The following COL2A1 variants were observed in gnomAD, a reference collection of about 807,000 sequenced individuals.
COL2A1 encodes the protein collagen type II alpha 1 chain.
In COL2A1, 28 loss-of-function variants were observed where a neutral mutation model predicts 204.5. The ratio of observed to expected loss-of-function variants is 0.14; its 90% confidence interval spans 0.10 to 0.19. The LOEUF (loss-of-function observed/expected upper bound fraction) is 0.19. COL2A1 is among the 10% of genes least tolerant of loss of function. The pLI is 1.00. For missense variants in COL2A1, 1,388 were observed against 2,027.5 expected (o/e 0.68, Z 6.06); for synonymous variants, 708 against 718.7 (o/e 0.99, Z 0.24).
chr12:47,996,316 A>G (rs766448196), intron 8 of COL2A1, among the ~76,000 whole-genome samples: 3 of 152,196 alleles, frequency 2.0e-5, no homozygotes, highest in Non-Finnish European at 2.9e-5. Context: ...AGATCAGCCT[A>G]TATGCATCTC....
intron 16 of COL2A1, 59 bp downstream of exon 16, chr12:47,992,817 CAA>C: frequency 6.3e-7 from 1 of 1,575,422 alleles, no homozygotes; most frequent in African/African-American, 1.3e-5. Context: ...TCAAGAGAAA[CAA>C]ACCTGTAAAC....
At position 47,980,850 on chromosome 12, in the gene COL2A1, C is replaced by T. The variant is rs182973545; in HGVS notation, c.2517+65G>A. 14 of 1,534,596 alleles carry T rather than the reference C, an allele frequency of 9.1e-6. No individual in the cohort carries two copies. Among genetic ancestry groups the T allele is most frequent in the Middle Eastern group, 1.7e-4 (1 of 5,962 alleles). On this transcript the variant is annotated intron_variant, in intron 38 of 53. Coordinates refer to ENST00000380518, the MANE Select transcript of COL2A1 (RefSeq NM_001844.5). The surrounding 1 kb of genome is among the most constrained non-coding windows in gnomAD (Gnocchi z 4.5). ...TCCCTCCCTGACAAGCTCCGATGCCCGAGGGTGCTGGATGTGGAACTGGCC... is the reference window on the plus strand; with the variant it reads ...TCCCTCCCTGACAAGCTCCGATGCCTGAGGGTGCTGGATGTGGAACTGGCC...
chr12:47,993,464 G>A lies in COL2A1; in HGVS notation c.963C>T (p.Gly321=). The change falls in exon 15 of 54, where the codon GGC becomes GGT. Residue 321 remains glycine (G), a synonymous_variant. Transcript: ENST00000380518. The part of the protein sequence containing the change: ...SGSPGENGSP[G]PMGPRGLPGE... ...GGAGGGTGTCCATACTTACCATTGG[G>A]CCCGGAGATCCGTTCTCACCCGGGG... is the stretch of plus-strand genomic sequence containing the variant. The A allele has an allele frequency of 6.2e-7, 1 of 1,612,742 alleles. No individual in the cohort carries two copies. The highest frequency in any genetic ancestry group is 2.2e-5 in the East Asian group (1 of 44,860).
chr12:47,982,557 T>C lies in COL2A1; in HGVS notation c.2246A>G (p.Gln749Arg). 1 of 1,613,892 alleles carries C rather than the reference T, an allele frequency of 6.2e-7. No homozygotes were observed. Among genetic ancestry groups the C allele is most frequent in the Non-Finnish European group, 8.5e-7 (1 of 1,179,960 alleles). ...PPGAQGPPGL[Q>R]GMPGERGAAG... Reference sequence around the variant, plus strand: ...TGCTCCCCTCTCGCCAGGCATTCCCTGAAGACCTGGAGGGCCCTGAGCCCC... The same window carrying C: ...TGCTCCCCTCTCGCCAGGCATTCCCCGAAGACCTGGAGGGCCCTGAGCCCC... Residue 749 changes from glutamine (Q) to arginine (R), a missense_variant, in exon 34 of 54, where the codon CAG becomes CGG. This residue lies in a region of COL2A1 where 884 missense variants were observed against 1,415.8 expected (regional missense o/e 0.62). Coordinates refer to ENST00000380518, the MANE Select transcript of COL2A1 (RefSeq NM_001844.5).
rs560941352 is a variant in COL2A1, at chr12:47,980,503, G to A, written c.2625+51C>T. On this transcript the variant is annotated intron_variant, in intron 39 of 53. Transcript: ENST00000380518. This position sits in a 1 kb window ranked among gnomAD's most constrained non-coding sequence, Gnocchi z 4.5. ...CCTGCTGGGGCCTTCCCATCTGCAC[G>A]CCAGGAGCCCTTCCTTGAGGGAACA... 1.8e-4 allele frequency: 264 copies of A among 1,498,416 alleles called. No individual in the cohort carries two copies. The highest frequency in any genetic ancestry group is 8.5e-4 in the South Asian group (71 of 83,494). The allele number at this position is 1,498,416 out of a possible 1,614,324, so 92.8% of individuals were successfully genotyped here.
At chr12:47,999,571 G>A (rs554360392) in intron 2 of COL2A1, 4 of 283,046 alleles carry the variant, frequency 1.4e-5, no homozygotes, top group Non-Finnish European at 2.7e-5. Flanking sequence ...TCGTGGATTG[G>A]CCAGACAGAG....
At chr12:48,000,899 G>A (rs1294027131) in intron 1 of COL2A1, 1 of 152,334 alleles carries the variant, frequency 6.6e-6, no homozygotes, top group African/African-American at 2.4e-5. Context: ...CCCCAGTGCT[G>A]ACCTCCACCT....
rs544141525 is a variant in COL2A1, at chr12:47,983,629, G to A, written c.1995+54C>T. On this transcript the variant is annotated intron_variant, in intron 30 of 53. Coordinates refer to ENST00000380518, the MANE Select transcript of COL2A1 (RefSeq NM_001844.5). ...ACCGATAGTGCCTGCTGCTGTCCCA[G>A]GGAGCCCTGGGTATGGCAAAGGACT... 3.1e-5 allele frequency: 48 copies of A among 1,560,538 alleles called. No homozygotes were observed. In the African/African-American group the frequency reaches 5.7e-4, roughly 19 times the overall value.
rs145968749 is a variant in COL2A1, at chr12:47,998,496, T to G, written c.293-65A>C. On this transcript the variant is annotated intron_variant, in intron 2 of 53. Transcript: ENST00000380518. ...CTTGAGATGGAAAAATACCTATTCT[T>G]GTCACTCAAACACTCATTAGATCAA... 307 of 1,544,574 alleles carry G rather than the reference T, an allele frequency of 2.0e-4. No individual in the cohort carries two copies. The African/African-American group carries it at 3.7e-3, about 18-fold the overall frequency.
At chr12:47,977,847 C>G (rs1028577544) in intron 44 of COL2A1, among the ~76,000 whole-genome samples, 163 bp downstream of exon 44, 1 of 152,208 alleles carries the variant, frequency 6.6e-6, no homozygotes, top group Non-Finnish European at 1.5e-5. Flanking sequence ...CGTCTCTCTC[C>G]CCGACAACCT....
intron 1 of COL2A1, among the ~76,000 whole-genome samples, chr12:48,003,934 A>G (rs1241688730): frequency 6.6e-6 from 1 of 152,208 alleles, no homozygotes; most frequent in Non-Finnish European, 1.5e-5. Context: ...AAAAGAGCCC[A>G]TTTATATCTG....
chr12:47,978,867 T>A lies in COL2A1; in HGVS notation c.2734-109A>T. On this transcript the variant is annotated intron_variant, in intron 41 of 53. Coordinates refer to ENST00000380518, the MANE Select transcript of COL2A1 (RefSeq NM_001844.5). This position sits in a 1 kb window ranked among gnomAD's most constrained non-coding sequence, Gnocchi z 5.5. Reference sequence around the variant, plus strand: ...GCAGTTTCCTCTCTGGGGGCTTCTCTACCTCCCCACACTAAGGGCAGGCAG... The same window carrying A: ...GCAGTTTCCTCTCTGGGGGCTTCTCAACCTCCCCACACTAAGGGCAGGCAG... 8.7e-7 allele frequency: 1 copy of A among 1,149,904 alleles called. No homozygotes were observed. The highest frequency in any genetic ancestry group is 1.3e-6 in the Non-Finnish European group (1 of 780,190). 71.2% of individuals were successfully genotyped at this position (1,149,904 alleles called of 1,614,324 possible).
rs553380837 is a variant in COL2A1, at chr12:47,988,181, A to G, written c.1123-472T>C. 4.6e-5 allele frequency among the ~76,000 whole-genome samples: 7 copies of G among 152,316 alleles called. No homozygotes were observed. The South Asian group carries it at 1.5e-3, about 32-fold the overall frequency. On this transcript the variant is annotated intron_variant, in intron 18 of 53. Transcript: ENST00000380518. ...CAGCTCAGAGCACCACCTCACTCCCATCTGGCTGACGGGTGAACAGTGACA... is the reference window on the plus strand; with the variant it reads ...CAGCTCAGAGCACCACCTCACTCCCGTCTGGCTGACGGGTGAACAGTGACA...
chr12:47,974,171 A>T lies in COL2A1; in HGVS notation c.4235T>A (p.Leu1412His). The T allele has an allele frequency of 1.2e-6, 2 of 1,614,210 alleles. No homozygotes were observed. Among genetic ancestry groups the T allele is most frequent in the Non-Finnish European group, 1.7e-6 (2 of 1,180,036 alleles). ...CTCCACGTCATTGGAGCCCTGGATGAGCAGGGCCTTCTTGAGGTTGCCAGC... is the reference window on the plus strand; with the variant it reads ...CTCCACGTCATTGGAGCCCTGGATGTGCAGGGCCTTCTTGAGGTTGCCAGC... ...EAAGNLKKALLIQGSNDVEIR... is the reference protein window; with the variant it reads ...EAAGNLKKALHIQGSNDVEIR... The change falls in exon 53 of 54, where the codon CTC becomes CAC. Residue 1412 changes from leucine (L) to histidine (H), a missense_variant. Around this residue, in one of 3 missense-constraint regions of COL2A1, gnomAD observed 303 missense variants for 369.2 expected, o/e 0.82. Coordinates refer to ENST00000380518, the MANE Select transcript of COL2A1 (RefSeq NM_001844.5).
Position 47,983,112 on chromosome 12 carries a change from G to A in COL2A1, c.2075C>T (p.Pro692Leu). 6.2e-7 allele frequency: 1 copy of A among 1,613,940 alleles called. No homozygotes were observed. Among genetic ancestry groups the A allele is most frequent in the Non-Finnish European group, 8.5e-7 (1 of 1,179,910 alleles). Residue 692 changes from proline (P) to leucine (L), a missense_variant, in exon 32 of 54, where the codon CCT becomes CTT. Pro to Leu is a moderately conservative substitution (Grantham distance 98). This residue lies in a region of COL2A1 where 884 missense variants were observed against 1,415.8 expected (regional missense o/e 0.62). Transcript: ENST00000380518. ...DQGVPGEAGAPGLVGPRGERG... is the reference protein window; with the variant it reads ...DQGVPGEAGALGLVGPRGERG... ...ACTCACCCTGGGACCCACGAGGCCA[G>A]GGGCTCCAGCTTCACCGGGAACACC...
At chr12:47,977,695 G>A in intron 44 of COL2A1, 42 bp from the exon 45 acceptor site, 1 of 1,602,006 alleles carries the variant, frequency 6.2e-7, no homozygotes, top group South Asian at 1.1e-5. Context: ...GCTGCTTCCT[G>A]CCCATCTCCC....
chr12:47,977,214 G>A, intron 46 of COL2A1, 59 bp from the exon 47 acceptor site: 1 of 1,595,674 alleles, frequency 6.3e-7, no homozygotes. Context: ...GGCCTCCTCT[G>A]CATCTGAGGC....
intron 1 of COL2A1, among the ~76,000 whole-genome samples, chr12:48,001,914 G>A (rs988116859): frequency 1.3e-5 from 2 of 152,322 alleles, no homozygotes; most frequent in South Asian, 4.2e-4. Flanking sequence ...TTTGTGGCAA[G>A]CCAATTAAAA....
At chr12:47,989,609 T>C (rs1939604663) in intron 17 of COL2A1, 152 bp downstream of exon 17, 1 of 776,576 alleles carries the variant, frequency 1.3e-6, no homozygotes, top group Admixed American at 1.8e-5. Flanking sequence ...GCTCAATTGA[T>C]ATTTACAAAC....
Sources: allele counts gnomAD v4.1 joint callset (sites outside exome capture counted in the v4.1 genomes callset), GRCh38; gene constraint gnomAD v4.1.1; regional missense constraint gnomAD v4.1.1; non-coding constraint Gnocchi (gnomAD v3.1); transcripts MANE v1.5; gene names NCBI Gene and HGNC (gene_info 2026-07-23, HGNC 2026-07-21).